Variants in BMPR1B observed in about 807,000 individuals in gnomAD.
BMPR1B encodes the protein bone morphogenetic protein receptor type-1B.
In BMPR1B, 12 loss-of-function variants were observed where a neutral mutation model predicts 59.1. The ratio of observed to expected loss-of-function variants is 0.20; its 90% confidence interval spans 0.13 to 0.33. The LOEUF is 0.33. BMPR1B is among the 10% of genes least tolerant of loss of function. The pLI is 1.00. For synonymous variants in BMPR1B, 237 were observed against 207.3 expected (o/e 1.14, Z -1.23); for missense variants, 550 against 610.9 (o/e 0.90, Z 1.05).
At chr4:94,847,967 T>C in intron 1 of BMPR1B, among the ~76,000 whole-genome samples, 1 of 152,196 alleles carries the variant, frequency 6.6e-6, no homozygotes, top group East Asian at 1.9e-4. Flanking sequence ...CTTAAGGTAT[T>C]GGTTACCTCA....
chr4:95,142,741 T>A (rs1434540), intron 10 of BMPR1B, among the ~76,000 whole-genome samples: 2 of 151,624 alleles, frequency 1.3e-5, no homozygotes, highest in Non-Finnish European at 1.5e-5. Flanking sequence ...GCTTAGGACT[T>A]TCATGAGACT....
intron 2 of BMPR1B, among the ~76,000 whole-genome samples, chr4:94,989,117 G>C (rs1721581747): frequency 6.6e-6 from 1 of 152,046 alleles, no homozygotes; most frequent in South Asian, 2.1e-4. Context: ...ACGGCCGGGT[G>C]CGATGGCTCA....
chr4:94,791,682 A>G (rs1722993452), intron 1 of BMPR1B, among the ~76,000 whole-genome samples: 1 of 152,190 alleles, frequency 6.6e-6, no homozygotes, highest in Non-Finnish European at 1.5e-5. Flanking sequence ...CTGGTTTAAT[A>G]TTGTAAAATA....
chr4:94,865,848 T>C (rs1219269468), intron 1 of BMPR1B, among the ~76,000 whole-genome samples: 2 of 152,212 alleles, frequency 1.3e-5, no homozygotes, highest in South Asian at 2.1e-4. Flanking sequence ...CATTTTTTTT[T>C]CGAGATGATG....
At chr4:95,010,725 T>C (rs752509103) in intron 3 of BMPR1B, among the ~76,000 whole-genome samples, 1 of 152,182 alleles carries the variant, frequency 6.6e-6, no homozygotes, top group Non-Finnish European at 1.5e-5. Context: ...ATCTTTACTT[T>C]ATGTCTTATG....
chr4:94,955,881 G>A (rs767791867), intron 2 of BMPR1B, among the ~76,000 whole-genome samples: 10 of 151,922 alleles, frequency 6.6e-5, no homozygotes, highest in Non-Finnish European at 1.3e-4. Flanking sequence ...CGCCTGCCTC[G>A]GCCTCCCAAA....
chr4:94,971,208 C>T (rs1274264638), intron 2 of BMPR1B, among the ~76,000 whole-genome samples: 1 of 152,060 alleles, frequency 6.6e-6, no homozygotes, highest in Non-Finnish European at 1.5e-5. Context: ...TTTTTTCCCT[C>T]TAGTAATGGA....
chr4:94,914,365 T>C (rs904830817), intron 2 of BMPR1B, among the ~76,000 whole-genome samples: 1 of 152,028 alleles, frequency 6.6e-6, no homozygotes, highest in African/African-American at 2.4e-5. Flanking sequence ...ATATAGGCCT[T>C]GAAGAGAGAT....
intron 3 of BMPR1B, among the ~76,000 whole-genome samples, chr4:95,069,440 T>C (rs1728105811): frequency 6.6e-6 from 1 of 152,226 alleles, no homozygotes. Context: ...CCTTCAAGGC[T>C]CTTGCTCGAC....
At chr4:95,140,314 A>G (rs2149315196) in intron 10 of BMPR1B, among the ~76,000 whole-genome samples, 2 of 152,036 alleles carry the variant, frequency 1.3e-5, no homozygotes, top group Middle Eastern at 3.4e-3. Context: ...GATGAAGGAA[A>G]AAGAACTTTT....
chr4:95,068,374 G>C (rs556148714), intron 3 of BMPR1B, among the ~76,000 whole-genome samples: 2 of 152,242 alleles, frequency 1.3e-5, no homozygotes. Flanking sequence ...TTGGGCATCT[G>C]TGTGTACCAC....
intron 2 of BMPR1B, among the ~76,000 whole-genome samples, chr4:94,984,483 A>G (rs1313452536): frequency 2.0e-5 from 3 of 152,144 alleles, no homozygotes; most frequent in Non-Finnish European, 4.4e-5. Flanking sequence ...TACTTTTGTC[A>G]TAATTTTAGC....
Position 95,154,779 on chromosome 4 carries a change from A to G in BMPR1B, c.*106A>G. The G allele has an allele frequency of 4.6e-6, 7 of 1,520,446 alleles. No homozygotes were observed. The highest frequency in any genetic ancestry group is 5.4e-6 in the Non-Finnish European group (6 of 1,103,412). 94.2% of individuals were successfully genotyped at this position (1,520,446 alleles called of 1,614,324 possible). A position where few individuals can be genotyped will look rare whatever the true frequency, so the allele number is the denominator to read the frequency against. On this transcript the variant is annotated 3_prime_UTR_variant, in exon 13 of 13. Coordinates refer to ENST00000515059, the MANE Select transcript of BMPR1B (RefSeq NM_001203.3). ...AGCATCCACAGTACAAGCCTTGAAC[A>G]TCGTCCTGCTTCCCAGTGGGTTCAG...
At chr4:95,127,734 A>G (rs180919651) in intron 8 of BMPR1B, among the ~76,000 whole-genome samples, 80 of 152,134 alleles carry the variant, frequency 5.3e-4, no homozygotes, top group Non-Finnish European at 9.4e-4. Flanking sequence ...CGGCTGCATT[A>G]CACATAAACT....
intron 3 of BMPR1B, among the ~76,000 whole-genome samples, chr4:95,078,821 A>G (rs913202027): frequency 6.6e-6 from 1 of 152,176 alleles, no homozygotes; most frequent in Non-Finnish European, 1.5e-5. Context: ...GCAGTGGCAC[A>G]ATCACAGCTC....
chr4:95,101,752 G>GA (rs200029515), intron 3 of BMPR1B, among the ~76,000 whole-genome samples: 141 of 151,176 alleles, frequency 9.3e-4, no homozygotes, highest in Middle Eastern at 6.9e-3. Flanking sequence ...ATTTTGTCCA[G>GA]AAAAAAAAAT....
intron 2 of BMPR1B, among the ~76,000 whole-genome samples, chr4:94,946,493 T>C (rs1183680351): frequency 1.3e-5 from 2 of 152,188 alleles, no homozygotes; most frequent in Non-Finnish European, 2.9e-5. Flanking sequence ...GAAGGTCTTA[T>C]AATACAGCTT....
At chr4:95,060,738 C>T (rs1238623250) in intron 3 of BMPR1B, among the ~76,000 whole-genome samples, 1 of 152,184 alleles carries the variant, frequency 6.6e-6, no homozygotes, top group Non-Finnish European at 1.5e-5. Context: ...TGCTCATCCC[C>T]AGTTATATTA....
intron 10 of BMPR1B, among the ~76,000 whole-genome samples, chr4:95,138,449 G>A (rs373338222): frequency 2.0e-5 from 3 of 152,216 alleles, no homozygotes; most frequent in East Asian, 3.9e-4. Flanking sequence ...TTTGAATGTT[G>A]GCTTGCCTTG....
Sources: allele counts gnomAD v4.1 joint callset (sites outside exome capture counted in the v4.1 genomes callset), GRCh38; gene constraint gnomAD v4.1.1; transcripts MANE v1.5; gene names NCBI Gene and HGNC (gene_info 2026-07-23, HGNC 2026-07-21).